The following TENM4 variants were observed in gnomAD, a reference collection of about 807,000 sequenced individuals.
TENM4 encodes the protein teneurin transmembrane protein 4, also known as teneurin-4.
TENM4 carries 82 observed loss-of-function variants against 243.3 expected under a neutral mutation model. The observed-to-expected ratio is 0.34, with a 90% confidence interval of 0.28 to 0.40. The LOEUF (loss-of-function observed/expected upper bound fraction) is 0.40. Ranked by LOEUF, TENM4 falls within the 10% of genes least tolerant of loss-of-function variation. The probability of loss-of-function intolerance (pLI) is 1.00; values close to 1 mark genes in which losing one functional copy is unlikely to be tolerated. For synonymous variants in TENM4, 1,412 were observed against 1,456.3 expected, an observed-to-expected ratio of 0.97 and a Z score of 0.69; for missense variants, 3,138 against 3,673.3, an observed-to-expected ratio of 0.85 and a Z score of 3.77.
intron 31 of TENM4, among the ~76,000 whole-genome samples, chr11:78,671,587 ATG>A (rs1233507052): frequency 3.2e-4 from 49 of 152,336 alleles, no homozygotes; most frequent in Admixed American, 5.9e-4. Flanking sequence ...ATGAGTTCTG[ATG>A]CTAGAGCAGA....
At chr11:78,842,846 T>C (rs538233009) in intron 12 of TENM4, among the ~76,000 whole-genome samples, 3 of 152,326 alleles carry the variant, frequency 2.0e-5, no homozygotes, top group African/African-American at 7.2e-5. Context: ...AGGCAGAAAA[T>C]ATTTGCTTCA....
At chr11:79,372,560 G>A (rs531680849) in intron 1 of TENM4, among the ~76,000 whole-genome samples, 62 of 152,296 alleles carry the variant, frequency 4.1e-4, no homozygotes, top group Non-Finnish European at 6.5e-4. Flanking sequence ...AGCCAATAAT[G>A]TCAGCAGAGA....
intron 2 of TENM4, among the ~76,000 whole-genome samples, chr11:79,225,205 C>T (rs1411271127): frequency 2.6e-5 from 4 of 152,106 alleles, no homozygotes; most frequent in African/African-American, 7.2e-5. Context: ...CACTTTGTTC[C>T]GTCAGCCCTA....
rs1305118626 is a variant in TENM4, at chr11:78,657,153, C to G, written c.*905G>C. The G allele has an allele frequency of 2.5e-6, 1 of 398,598 alleles. No homozygotes were observed. Among genetic ancestry groups the G allele is most frequent in the Non-Finnish European group, 4.4e-6 (1 of 226,150 alleles). The allele number at this position is 398,598 out of a possible 1,614,324, so 24.7% of individuals were successfully genotyped here. Reference sequence around the variant, plus strand: ...CACATTGAAGGCTTGCTGTGCAGTGCTCGTTCTCACATCTGGCTTTGGGAG... The same window carrying G: ...CACATTGAAGGCTTGCTGTGCAGTGGTCGTTCTCACATCTGGCTTTGGGAG... On this transcript the variant is annotated 3_prime_UTR_variant, in exon 34 of 34. Coordinates refer to ENST00000278550, the MANE Select transcript of TENM4 (RefSeq NM_001098816.3).
At chr11:79,382,582 G>T (rs1430295777) in intron 1 of TENM4, among the ~76,000 whole-genome samples, 1 of 152,112 alleles carries the variant, frequency 6.6e-6, no homozygotes, top group Non-Finnish European at 1.5e-5. Flanking sequence ...CTCCTATGTG[G>T]CAGAATCCAA....
intron 9 of TENM4, among the ~76,000 whole-genome samples, chr11:78,886,133 T>C (rs1186078821): frequency 6.6e-6 from 1 of 152,234 alleles, no homozygotes; most frequent in Admixed American, 6.5e-5. Context: ...AGGTTATTCA[T>C]AATTCTTAAA....
chr11:78,708,310 T>A (rs753176929), intron 27 of TENM4, 51 bp downstream of exon 27: 1 of 1,606,148 alleles, frequency 6.2e-7, no homozygotes, highest in Non-Finnish European at 8.5e-7. Context: ...GGGTGGCAGA[T>A]GAGAGGATGA....
At chr11:79,384,254 C>T (rs769656510) in intron 1 of TENM4, among the ~76,000 whole-genome samples, 12 of 152,286 alleles carry the variant, frequency 7.9e-5, no homozygotes, top group East Asian at 3.9e-4. Context: ...ATTTCTTTTG[C>T]GAAATGAAGA....
At chr11:78,959,027 G>A (rs1189412642) in intron 6 of TENM4, among the ~76,000 whole-genome samples, 1 of 152,216 alleles carries the variant, frequency 6.6e-6, no homozygotes, top group African/African-American at 2.4e-5. Flanking sequence ...TTCAGAGGTT[G>A]GAAACATTGC....
chr11:78,901,640 AC>A (rs1855931126), intron 7 of TENM4, among the ~76,000 whole-genome samples: 1 of 152,128 alleles, frequency 6.6e-6, no homozygotes, highest in African/African-American at 2.4e-5. Context: ...GAGCATCAGA[AC>A]CATCGATTAG....
intron 28 of TENM4, among the ~76,000 whole-genome samples, chr11:78,699,243 T>G (rs1003948656): frequency 1.3e-5 from 2 of 152,238 alleles, no homozygotes; most frequent in Non-Finnish European, 2.9e-5. Flanking sequence ...AACCTCATAC[T>G]ATTCCTATGA....
chr11:79,333,581 G>A (rs958828516), intron 1 of TENM4, among the ~76,000 whole-genome samples: 2 of 152,160 alleles, frequency 1.3e-5, no homozygotes, highest in African/African-American at 2.4e-5. Flanking sequence ...TATGCACATA[G>A]TAGTTTCTGG....
At chr11:78,800,918 A>G (rs540686434) in intron 15 of TENM4, among the ~76,000 whole-genome samples, 1 of 152,286 alleles carries the variant, frequency 6.6e-6, no homozygotes, top group South Asian at 2.1e-4. Context: ...TCTGAGCTTC[A>G]GTTTCCTTAT....
chr11:78,969,361 CT>C (rs1210210532), intron 6 of TENM4, among the ~76,000 whole-genome samples: 2 of 152,212 alleles, frequency 1.3e-5, no homozygotes, highest in Non-Finnish European at 2.9e-5. Flanking sequence ...TACTCACATC[CT>C]TGTGTGAATC....
At chr11:79,435,963 TAAGAA>T (rs1175547060) in intron 1 of TENM4, among the ~76,000 whole-genome samples, 3 of 152,206 alleles carry the variant, frequency 2.0e-5, no homozygotes, top group Non-Finnish European at 4.4e-5. Flanking sequence ...ATGACTTTCC[TAAGAA>T]AAGAAAAGAA....
intron 6 of TENM4, among the ~76,000 whole-genome samples, chr11:79,000,370 C>T (rs1367623374): frequency 6.6e-6 from 1 of 152,074 alleles, no homozygotes; most frequent in Non-Finnish European, 1.5e-5. Context: ...TAAATTTTCT[C>T]ATTTCTTCTC....
intron 6 of TENM4, among the ~76,000 whole-genome samples, chr11:79,046,413 G>C (rs1298791368): frequency 6.6e-6 from 1 of 152,126 alleles, no homozygotes. Context: ...GCAACTAATG[G>C]GGTGTGCTTG....
intron 6 of TENM4, among the ~76,000 whole-genome samples, chr11:78,970,279 G>A (rs897144303): frequency 3.3e-5 from 5 of 152,178 alleles, no homozygotes. Context: ...CTTACTCAGA[G>A]TCTCAGCTCA....
intron 2 of TENM4, among the ~76,000 whole-genome samples, chr11:79,231,277 G>A (rs900318781): frequency 6.6e-6 from 1 of 151,998 alleles, no homozygotes; most frequent in Non-Finnish European, 1.5e-5. Flanking sequence ...GGTTATTCAA[G>A]AAATATGTTA....
Sources: allele counts gnomAD v4.1 joint callset (sites outside exome capture counted in the v4.1 genomes callset), GRCh38; gene constraint gnomAD v4.1.1; transcripts MANE v1.5; gene names NCBI Gene and HGNC (gene_info 2026-07-23, HGNC 2026-07-21).